The following SLC25A46 variants were observed in gnomAD, a reference collection of about 807,000 sequenced individuals.
The protein encoded by SLC25A46 is mitochondrial outer membrane protein SLC25A46.
In SLC25A46, 39 loss-of-function variants were observed where a neutral mutation model predicts 44.6. That is an observed-to-expected ratio of 0.87 (90% CI 0.68 to 1.14). The LOEUF (loss-of-function observed/expected upper bound fraction) is 1.14. Among genes scored for constraint, SLC25A46 ranks in the 50% most tolerant of loss-of-function variants. The pLI, the probability that SLC25A46 is intolerant of heterozygous loss-of-function variation, is 0.00. For missense variants in SLC25A46, 547 were observed against 522.7 expected, an observed-to-expected ratio of 1.05 and a Z score of -0.45; for synonymous variants, 202 against 185.8, an observed-to-expected ratio of 1.09 and a Z score of -0.71.
At position 110,755,322 on chromosome 5, in the gene SLC25A46, A is replaced by G. The variant is rs1800080334; in HGVS notation, c.564-143A>G. 1.9e-5 allele frequency: 11 copies of G among 576,960 alleles called. No individual in the cohort carries two copies. The South Asian group carries it at 2.5e-4, about 13-fold the overall frequency. The allele number at this position is 576,960 out of a possible 1,614,324, so 35.7% of individuals were successfully genotyped here. A position where few individuals can be genotyped will look rare whatever the true frequency, so the allele number is the denominator to read the frequency against. ...CAGTTGTTTACACTGTGTTCTAGAAAAGAAAATGTTCACCATTAGAATATA... is the reference window on the plus strand; with the variant it reads ...CAGTTGTTTACACTGTGTTCTAGAAGAGAAAATGTTCACCATTAGAATATA... On this transcript the variant is annotated intron_variant, in intron 5 of 7. Coordinates refer to ENST00000355943, the MANE Select transcript of SLC25A46 (RefSeq NM_138773.4).
chr5:110,738,290 T>G, upstream of SLC25A46: 1 of 1,263,726 alleles, frequency 7.9e-7, no homozygotes, highest in Middle Eastern at 2.6e-4. Context: ...GTTATTCAAT[T>G]AGAGGTCCCA....
At chr5:110,757,097 A>G (rs1800136450) in intron 7 of SLC25A46, 1 of 179,526 alleles carries the variant, frequency 5.6e-6, no homozygotes, top group Admixed American at 6.2e-5. Context: ...ATGGCTTATC[A>G]TTGGACAGTA....
In SLC25A46 at chr5:110,761,754, A is replaced by T. The variant is rs774231542; in HGVS notation, c.1229A>T (p.Tyr410Phe). ...GTTTTACAGATTACCAAAATTATTT[A>T]CTCTACACTTCTTCAAAATAACATT... ...AAVLQITKII[Y>F]STLLQNNI Residue 410 changes from tyrosine (Y) to phenylalanine (F), a missense_variant, in exon 8 of 8, where the codon TAC (tyrosine) becomes TTC (phenylalanine). By Grantham distance (22) the Tyr-to-Phe change is conservative (BLOSUM62 3). Coordinates refer to ENST00000355943, the MANE Select transcript of SLC25A46 (RefSeq NM_138773.4). This position sits in a 1 kb window ranked among gnomAD's most constrained non-coding sequence, Gnocchi z 5.3. 4 of 1,611,400 alleles carry T rather than the reference A, an allele frequency of 2.5e-6. No individual in the cohort carries two copies. Among genetic ancestry groups the T allele is most frequent in the Non-Finnish European group, 3.4e-6 (4 of 1,178,974 alleles).
At chr5:110,743,849 C>T in intron 3 of SLC25A46, 62 bp downstream of exon 3, 3 of 1,276,544 alleles carry the variant, frequency 2.4e-6, no homozygotes, top group South Asian at 1.4e-5. Context: ...AAGGGCAGAA[C>T]TCACATAAAT....
At chr5:110,746,489 T>G (rs995083111) in intron 4 of SLC25A46, 143 bp downstream of exon 4, 1 of 575,214 alleles carries the variant, frequency 1.7e-6, no homozygotes, top group Non-Finnish European at 3.0e-6. Context: ...CACAACGATA[T>G]GTTTTTGAAT....
chr5:110,745,342 C>T (rs1799788611), intron 3 of SLC25A46, among the ~76,000 whole-genome samples: 1 of 152,098 alleles, frequency 6.6e-6, no homozygotes, highest in African/African-American at 2.4e-5. Flanking sequence ...CAAACTCCGC[C>T]TCCTGGGTTC....
Position 110,763,546 on chromosome 5 carries a change from A to G in SLC25A46, c.*1764A>G, listed in dbSNP as rs1237053812. 6.6e-6 allele frequency: 1 copy of G among 151,898 alleles called. No individual in the cohort carries two copies. The highest frequency in any genetic ancestry group is 1.9e-4 in the East Asian group (1 of 5,178). 9.4% of individuals were successfully genotyped at this position (151,898 alleles called of 1,614,324 possible). The stretch of plus-strand genomic sequence containing the variant: ...ACCAATAGCATTTAAATTGTTTTCA[A>G]TTAGGATAGTTTCAGATAAGAGTAA... On this transcript the variant is annotated 3_prime_UTR_variant, in exon 8 of 8. Coordinates refer to ENST00000355943, the MANE Select transcript of SLC25A46 (RefSeq NM_138773.4).
At chr5:110,742,508 G>A (rs370557887) in intron 2 of SLC25A46, among the ~76,000 whole-genome samples, 73 of 152,156 alleles carry the variant, frequency 4.8e-4, no homozygotes, top group South Asian at 2.9e-3. Flanking sequence ...ATTTAATGAT[G>A]CCATGTAACT....
chr5:110,738,782 A>T (rs1456898137), upstream of SLC25A46: 1 of 389,794 alleles, frequency 2.6e-6, no homozygotes, highest in African/African-American at 2.2e-5. Flanking sequence ...AACTCCTCCC[A>T]TGCAGGCCCT....
chr5:110,764,547 C>T lies in SLC25A46; in HGVS notation c.*2765C>T, dbSNP rs1800340760. 1 of 151,834 alleles carries T rather than the reference C, an allele frequency of 6.6e-6. No homozygotes were observed. Among genetic ancestry groups the T allele is most frequent in the Admixed American group, 6.6e-5 (1 of 15,186 alleles). The allele number at this position is 151,834 out of a possible 1,614,324, so 9.4% of individuals were successfully genotyped here. A position where few individuals can be genotyped will look rare whatever the true frequency, so the allele number is the denominator to read the frequency against. On this transcript the variant is annotated 3_prime_UTR_variant, in exon 8 of 8. Coordinates refer to ENST00000355943, the MANE Select transcript of SLC25A46 (RefSeq NM_138773.4). ...GAACTTGCTTACTATTGCAGATATA[C>T]CTGACCACTCACAACTGTCTTTTTA...
chr5:110,748,633 T>C (rs1353671920), intron 5 of SLC25A46, among the ~76,000 whole-genome samples: 1 of 152,212 alleles, frequency 6.6e-6, no homozygotes, highest in Non-Finnish European at 1.5e-5. Context: ...ATCTTTCAGC[T>C]TCTACTGCTA....
chr5:110,750,257 A>C (rs1799931714), intron 5 of SLC25A46, among the ~76,000 whole-genome samples: 1 of 136,116 alleles, frequency 7.3e-6, no homozygotes, highest in South Asian at 2.6e-4. Context: ...TTCTTGTTTT[A>C]TTCTTTAAAA....
intron 7 of SLC25A46, among the ~76,000 whole-genome samples, chr5:110,757,309 T>G (rs1043589603): frequency 6.6e-6 from 1 of 152,154 alleles, no homozygotes; most frequent in Non-Finnish European, 1.5e-5. Flanking sequence ...TTACTATTCC[T>G]AACCACATGG....
At chr5:110,748,399 C>A in intron 5 of SLC25A46, 136 bp downstream of exon 5, 2 of 640,284 alleles carry the variant, frequency 3.1e-6, no homozygotes, top group Non-Finnish European at 5.6e-6. Flanking sequence ...TCCTCTCATC[C>A]AACAATTCTC....
At chr5:110,758,455 A>G (rs1800167042) in intron 7 of SLC25A46, among the ~76,000 whole-genome samples, 1 of 152,158 alleles carries the variant, frequency 6.6e-6, no homozygotes, top group South Asian at 2.1e-4. Flanking sequence ...TTGTTTTAGG[A>G]AAGTTTTTTA....
intron 3 of SLC25A46, among the ~76,000 whole-genome samples, chr5:110,745,102 T>G (rs552813388): frequency 1.3e-5 from 2 of 152,222 alleles, no homozygotes; most frequent in Non-Finnish European, 2.9e-5. Flanking sequence ...ATTGCTTTTG[T>G]ACCATTAGTG....
intron 1 of SLC25A46, among the ~76,000 whole-genome samples, 158 bp downstream of exon 1, chr5:110,739,560 G>A (rs1799570064): frequency 6.6e-6 from 1 of 152,218 alleles, no homozygotes; most frequent in African/African-American, 2.4e-5. Flanking sequence ...CTGCCCCTGA[G>A]GCTGGCCTCC....
chr5:110,751,361 G>A (rs1349005815), intron 5 of SLC25A46, among the ~76,000 whole-genome samples: 2 of 152,156 alleles, frequency 1.3e-5, no homozygotes, highest in Non-Finnish European at 2.9e-5. Context: ...AGTGTCCCTA[G>A]TAACATGACA....
At position 110,743,797 on chromosome 5, in the gene SLC25A46, A is replaced by G. The variant is rs1167623189; in HGVS notation, c.384+10A>G. ...ACGCCGCCAATGTCAGGTAAATGTA[A>G]TTTCTGTGATCTTTTGAAGCAATAC... is the stretch of plus-strand genomic sequence containing the variant. On this transcript the variant is annotated intron_variant, in intron 3 of 7. Transcript: ENST00000355943. 2.5e-6 allele frequency: 4 copies of G among 1,600,988 alleles called. No individual in the cohort carries two copies. Among genetic ancestry groups the G allele is most frequent in the African/African-American group, 2.7e-5 (2 of 74,586 alleles).
Sources: gnomAD v4.1 joint callset for allele counts (sites outside exome capture counted in the v4.1 genomes callset) on GRCh38, gnomAD v4.1.1 for gene constraint, Gnocchi (gnomAD v3.1) non-coding constraint, MANE v1.5 for transcripts, NCBI Gene and HGNC (gene_info 2026-07-23, HGNC 2026-07-21) for gene names.